VPS13B: variants seen among roughly 807,000 people sequenced by gnomAD.
VPS13B encodes intermembrane lipid transfer protein VPS13B.
In VPS13B, 285 loss-of-function variants were observed where a neutral mutation model predicts 426.4. That is an observed-to-expected ratio of 0.67 (90% CI 0.61 to 0.74). VPS13B has a LOEUF of 0.74. VPS13B is among the 30% of genes least tolerant of loss of function. The pLI is 0.00. For missense variants in VPS13B, 4,537 were observed against 4,782.6 expected (o/e 0.95, Z 1.51); for synonymous variants, 1,676 against 1,676.4 (o/e 1.00, Z 0.01).
At chr8:99,570,953 T>C (rs1825443500) in intron 31 of VPS13B, among the ~76,000 whole-genome samples, 1 of 152,186 alleles carries the variant, frequency 6.6e-6, no homozygotes, top group South Asian at 2.1e-4. Context: ...TATTTCTCAT[T>C]ATTTTTAATT....
chr8:99,614,671 G>A lies in VPS13B; in HGVS notation c.5221-27140G>A, dbSNP rs538646261. On this transcript the variant is annotated intron_variant, in intron 33 of 61. Coordinates refer to ENST00000357162, the MANE Select transcript of VPS13B (RefSeq NM_152564.5). ...TTCATGGGATTTAGGCTTAATCCGGGTCATTTAGAAATAGTCCTACGTTAT... is the reference window on the plus strand; with the variant it reads ...TTCATGGGATTTAGGCTTAATCCGGATCATTTAGAAATAGTCCTACGTTAT... 2.6e-5 allele frequency among the ~76,000 whole-genome samples: 4 copies of A among 152,232 alleles called. No individual in the cohort carries two copies. In the South Asian group the frequency reaches 8.3e-4, roughly 32 times the overall value.
At chr8:99,541,186 T>C (rs1188194521) in intron 30 of VPS13B, among the ~76,000 whole-genome samples, 5 of 152,210 alleles carry the variant, frequency 3.3e-5, no homozygotes, top group Non-Finnish European at 5.9e-5. Context: ...TTAAAACTTA[T>C]ATAAGAATTT....
chr8:99,446,914 T>C (rs1038786506), intron 23 of VPS13B, among the ~76,000 whole-genome samples: 14 of 152,198 alleles, frequency 9.2e-5, no homozygotes, highest in African/African-American at 2.4e-4. Flanking sequence ...ATAGCACTTA[T>C]TGAATAGCAC....
intron 34 of VPS13B, among the ~76,000 whole-genome samples, chr8:99,649,539 C>A (rs543316271): frequency 6.6e-6 from 1 of 151,348 alleles, no homozygotes; most frequent in East Asian, 1.9e-4. Context: ...GTGTGTTTAC[C>A]TTTACCTCAT....
intron 30 of VPS13B, among the ~76,000 whole-genome samples, chr8:99,555,613 C>T (rs980017200): frequency 2.6e-5 from 4 of 151,996 alleles, no homozygotes; most frequent in African/African-American, 9.7e-5. Context: ...AGAAAAAAGC[C>T]CCAAATTCAG....
chr8:99,054,609 G>T (rs1371050780), intron 3 of VPS13B, among the ~76,000 whole-genome samples: 1 of 152,134 alleles, frequency 6.6e-6, no homozygotes, highest in Admixed American at 6.5e-5. Context: ...AGTGCTTTCG[G>T]TGTTATATCT....
At chr8:99,193,371 A>G (rs1353740839) in intron 17 of VPS13B, among the ~76,000 whole-genome samples, 1 of 152,162 alleles carries the variant, frequency 6.6e-6, no homozygotes. Context: ...CAAATTAAGT[A>G]TAAGTACAGT....
chr8:99,133,600 T>G (rs1273757526), intron 8 of VPS13B, among the ~76,000 whole-genome samples: 2 of 152,308 alleles, frequency 1.3e-5, no homozygotes, highest in East Asian at 3.9e-4. Flanking sequence ...TGATTTAAAG[T>G]GAGAGACAGG....
At chr8:99,690,092 A>C (rs978769795) in intron 35 of VPS13B, among the ~76,000 whole-genome samples, 4 of 152,200 alleles carry the variant, frequency 2.6e-5, no homozygotes, top group African/African-American at 9.7e-5. Flanking sequence ...GGAAGCCCAC[A>C]TACAGGGATG....
At chr8:99,460,894 A>G (rs1478507213) in intron 23 of VPS13B, among the ~76,000 whole-genome samples, 1 of 152,158 alleles carries the variant, frequency 6.6e-6, no homozygotes, top group Non-Finnish European at 1.5e-5. Flanking sequence ...TGTGGTAGAG[A>G]TAGAAATGAC....
At chr8:99,303,360 T>G (rs116389173) in intron 19 of VPS13B, among the ~76,000 whole-genome samples, 2,478 of 151,770 alleles carry the variant, frequency 0.016, 69 homozygotes, top group African/African-American at 0.056. Context: ...TCATGTCCTC[T>G]ATGGTGCAGA....
chr8:99,111,288 C>T lies in VPS13B; in HGVS notation c.762+9C>T. 6.3e-7 allele frequency: 1 copy of T among 1,594,194 alleles called. No homozygotes were observed. The highest frequency in any genetic ancestry group is 8.5e-7 in the Non-Finnish European group (1 of 1,171,154). On this transcript the variant is annotated intron_variant, in intron 6 of 61. Coordinates refer to ENST00000357162, the MANE Select transcript of VPS13B (RefSeq NM_152564.5). ...TGCCATCTGTTATTAAAGTAGGTAT[C>T]TCTTTTTTTTGCAGTTAAGTTGCAT... is the stretch of plus-strand genomic sequence containing the variant.
intron 33 of VPS13B, among the ~76,000 whole-genome samples, chr8:99,618,005 T>C (rs1445948884): frequency 6.6e-6 from 1 of 152,206 alleles, no homozygotes; most frequent in Non-Finnish European, 1.5e-5. Flanking sequence ...TGTACCCATC[T>C]TGGTAAGCAG....
chr8:99,171,563 G>T (rs1812334490), intron 16 of VPS13B, among the ~76,000 whole-genome samples: 1 of 151,822 alleles, frequency 6.6e-6, no homozygotes, highest in Non-Finnish European at 1.5e-5. Flanking sequence ...TACAAAGAGG[G>T]TATTATGAAT....
chr8:99,028,351 C>T (rs1842253388), intron 2 of VPS13B, among the ~76,000 whole-genome samples: 1 of 150,994 alleles, frequency 6.6e-6, no homozygotes, highest in Admixed American at 6.6e-5. Context: ...GCTGACCCCC[C>T]CACCTCCCTC....
chr8:99,405,137 T>A lies in VPS13B; in HGVS notation c.3082+13433T>A, dbSNP rs561692639. ...CACACTGATGATCTGCCTTCTTTTT[T>A]AGACTTGTCTAACTGACCTGCTCTG... On this transcript the variant is annotated intron_variant, in intron 21 of 61. Coordinates refer to ENST00000357162, the MANE Select transcript of VPS13B (RefSeq NM_152564.5). 5.9e-5 allele frequency among the ~76,000 whole-genome samples: 9 copies of A among 152,356 alleles called. No individual in the cohort carries two copies. The South Asian group carries it at 1.9e-3, about 32-fold the overall frequency.
At chr8:99,342,364 G>A (rs567612764) in intron 19 of VPS13B, among the ~76,000 whole-genome samples, 2 of 152,132 alleles carry the variant, frequency 1.3e-5, no homozygotes, top group Non-Finnish European at 2.9e-5. Context: ...TCTGTCTGAA[G>A]CTTTGTACTC....
chr8:99,582,717 G>A (rs889021794), intron 33 of VPS13B, among the ~76,000 whole-genome samples: 64 of 151,888 alleles, frequency 4.2e-4, no homozygotes, highest in African/African-American at 1.4e-3. Context: ...GTGCAGTGGC[G>A]CAATCTCGGC....
chr8:99,134,930 A>C, intron 9 of VPS13B, 85 bp from the exon 10 acceptor site: 2 of 1,510,636 alleles, frequency 1.3e-6, no homozygotes, highest in Non-Finnish European at 1.8e-6. Flanking sequence ...AAGATGTTTA[A>C]CTAATTTAGA....
Sources: gnomAD v4.1 joint callset for allele counts (sites outside exome capture counted in the v4.1 genomes callset) on GRCh38, gnomAD v4.1.1 for gene constraint, MANE v1.5 for transcripts, NCBI Gene and HGNC (gene_info 2026-07-23, HGNC 2026-07-21) for gene names.